Variants in DDX60 observed in about 807,000 individuals in gnomAD.
DDX60 encodes the protein probable ATP-dependent RNA helicase DDX60.
DDX60 carries 165 observed loss-of-function variants against 212.8 expected under a neutral mutation model. That is an observed-to-expected ratio of 0.78 (90% CI 0.68 to 0.88). The LOEUF is 0.88. Ranked by LOEUF, DDX60 falls within the 40% of genes least tolerant of loss-of-function variation. The probability of loss-of-function intolerance (pLI) is 0.00; values close to 1 mark genes in which losing one functional copy is unlikely to be tolerated. For synonymous variants in DDX60, 703 were observed against 685.3 expected, an observed-to-expected ratio of 1.03 and a Z score of -0.40; for missense variants, 1,905 against 2,003.9, an observed-to-expected ratio of 0.95 and a Z score of 0.94.
chr4:168,228,674 T>G (rs141894527), intron 33 of DDX60, among the ~76,000 whole-genome samples: 7 of 152,262 alleles, frequency 4.6e-5, no homozygotes, highest in African/African-American at 1.7e-4. Context: ...TTATTTCAAA[T>G]TTTATATGTT....
rs745467115 is a variant in DDX60 at position 168,291,827 on chromosome 4, T to C, written c.962A>G (p.His321Arg). The C allele has an allele frequency of 1.9e-6, 3 of 1,613,896 alleles. No individual in the cohort carries two copies. In the Admixed American group the frequency reaches 5.0e-5, roughly 27 times the overall value. Reference sequence around the variant, plus strand: ...ACAAGCTCTTTGAGAAAGAGGCAGATGGAGTAGAAAAACCACAGTGAGACA... The same window carrying C: ...ACAAGCTCTTTGAGAAAGAGGCAGACGGAGTAGAAAAACCACAGTGAGACA... ...LHCLTVVFLL[H>R]LPLSQRACAR... The change falls in exon 8 of 38, where the codon CAT becomes CGT. Residue 321 changes from histidine to arginine, a missense_variant. Physicochemically the swap from His to Arg is conservative, Grantham distance 29. Transcript: ENST00000393743.
At chr4:168,299,011 A>C (rs1276547493) in intron 6 of DDX60, among the ~76,000 whole-genome samples, 1 of 151,918 alleles carries the variant, frequency 6.6e-6, no homozygotes, top group Non-Finnish European at 1.5e-5. Flanking sequence ...AAATACAAAA[A>C]TTAGCTGGGC....
intron 5 of DDX60, among the ~76,000 whole-genome samples, chr4:168,306,097 A>G (rs1736862880): frequency 6.6e-6 from 1 of 152,352 alleles, no homozygotes; most frequent in African/African-American, 2.4e-5. Context: ...TATCTATTTC[A>G]TCACTGTAAA....
chr4:168,235,498 A>G (rs1733600749), intron 33 of DDX60, among the ~76,000 whole-genome samples: 2 of 152,122 alleles, frequency 1.3e-5, no homozygotes, highest in African/African-American at 4.8e-5. Context: ...GAAAAGTGTA[A>G]AGATGATAGG....
chr4:168,216,740 T>C lies in DDX60; in HGVS notation c.*193A>G. The C allele has an allele frequency of 2.3e-6, 1 of 442,554 alleles. No homozygotes were observed. The highest frequency in any genetic ancestry group is 3.9e-6 in the Non-Finnish European group (1 of 253,354). 27.4% of individuals were successfully genotyped at this position (442,554 alleles called of 1,614,324 possible). Reference sequence around the variant, plus strand: ...AGATTCAGGTATACTAAATAATTTGTGAGTATTCATGACAGAACATGGCAG... The same window carrying C: ...AGATTCAGGTATACTAAATAATTTGCGAGTATTCATGACAGAACATGGCAG... On this transcript the variant is annotated 3_prime_UTR_variant, in exon 38 of 38. Coordinates refer to ENST00000393743, the MANE Select transcript of DDX60 (RefSeq NM_017631.6).
At chr4:168,310,906 G>A in intron 3 of DDX60, 92 bp downstream of exon 3, 2 of 714,236 alleles carry the variant, frequency 2.8e-6, no homozygotes, top group South Asian at 1.9e-5. Flanking sequence ...ATTGTTCAAT[G>A]GTCAACTGTC....
intron 13 of DDX60, among the ~76,000 whole-genome samples, chr4:168,281,413 A>T (rs1364480232): frequency 6.6e-6 from 1 of 152,116 alleles, no homozygotes; most frequent in Non-Finnish European, 1.5e-5. Context: ...TTGTAATTTC[A>T]TTTGCCATTC....
intron 1 of DDX60, among the ~76,000 whole-genome samples, chr4:168,317,500 A>G (rs1038487201): frequency 2.6e-5 from 4 of 152,086 alleles, no homozygotes; most frequent in African/African-American, 9.7e-5. Flanking sequence ...AAGGGAAAGG[A>G]AATCATGGAT....
At chr4:168,237,944 T>C (rs1733688926) in intron 30 of DDX60, 149 bp from the exon 31 acceptor site, 4 of 551,414 alleles carry the variant, frequency 7.3e-6, no homozygotes, top group Non-Finnish European at 9.0e-6. Context: ...TATTTTATAG[T>C]GTTACATGGC....
At chr4:168,248,735 A>C (rs535032659) in intron 28 of DDX60, among the ~76,000 whole-genome samples, 3 of 151,918 alleles carry the variant, frequency 2.0e-5, no homozygotes, top group Admixed American at 1.3e-4. Flanking sequence ...CCGTAAGAGT[A>C]CCTGACAACT....
At chr4:168,320,998 A>G (rs1281034550), upstream of DDX60, among the ~76,000 whole-genome samples, 1 of 152,194 alleles carries the variant, frequency 6.6e-6, no homozygotes, top group Non-Finnish European at 1.5e-5. Context: ...CTTAAATTAT[A>G]AAGTTTTTTA....
intron 29 of DDX60, 54 bp from the exon 30 acceptor site, chr4:168,246,672 A>G: frequency 2.5e-6 from 4 of 1,576,322 alleles, no homozygotes; most frequent in Non-Finnish European, 3.5e-6. Flanking sequence ...TTCTACTGCC[A>G]TAGTGTAAGA....
chr4:168,308,369 T>C (rs1736982498), intron 3 of DDX60, among the ~76,000 whole-genome samples, 174 bp from the exon 4 acceptor site: 1 of 152,140 alleles, frequency 6.6e-6, no homozygotes, highest in African/African-American at 2.4e-5. Flanking sequence ...CAACTATCCT[T>C]CACAGGAGGA....
chr4:168,246,428 G>A lies in DDX60; in HGVS notation c.4154C>T (p.Ala1385Val), dbSNP rs1052793098. The change falls in exon 30 of 38, where the codon GCC (alanine) becomes GTC (valine). Residue 1385 changes from alanine to valine, a missense_variant. Transcript: ENST00000393743. Reference sequence around the variant, plus strand: ...TGTCCAGCACGGTACCTTTGCCTTGGCATCCTCTGGGTCATCTCCCTTGGA... The same window carrying A: ...TGTCCAGCACGGTACCTTTGCCTTGACATCCTCTGGGTCATCTCCCTTGGA... ...LASKGDDPED[A>V]KAKVLSVLKH... 3 of 1,613,798 alleles carry A rather than the reference G, an allele frequency of 1.9e-6. No homozygotes were observed. In the African/African-American group the frequency reaches 4.0e-5, roughly 22 times the overall value.
chr4:168,273,068 C>G (rs2149519838), intron 18 of DDX60, among the ~76,000 whole-genome samples: 1 of 152,220 alleles, frequency 6.6e-6, no homozygotes, highest in African/African-American at 2.4e-5. Context: ...AATCAGAAAT[C>G]CAAAGGTCAG....
chr4:168,237,827 A>C, intron 30 of DDX60, 32 bp from the exon 31 acceptor site: 1 of 1,480,010 alleles, frequency 6.8e-7, no homozygotes, highest in South Asian at 1.2e-5. Context: ...TAGACACACA[A>C]TGTTAAGTGT....
intron 25 of DDX60, among the ~76,000 whole-genome samples, chr4:168,259,636 C>T (rs1363911875): frequency 2.0e-5 from 3 of 150,740 alleles, no homozygotes; most frequent in Non-Finnish European, 4.4e-5. Flanking sequence ...TGAAATTGCC[C>T]AAAGTAAATA....
chr4:168,289,856 C>T (rs1736011664), intron 8 of DDX60, among the ~76,000 whole-genome samples: 1 of 152,178 alleles, frequency 6.6e-6, no homozygotes, highest in Non-Finnish European at 1.5e-5. Context: ...CTATTCATCC[C>T]TACTTACCTC....
chr4:168,260,896 T>C lies in DDX60; in HGVS notation c.3367A>G (p.Lys1123Glu). Residue 1123 changes from lysine to glutamate, a missense_variant, in exon 25 of 38, where the codon AAA (lysine) becomes GAA (glutamate). Physicochemically the swap from Lys to Glu is moderately conservative, Grantham distance 56. Coordinates refer to ENST00000393743, the MANE Select transcript of DDX60 (RefSeq NM_017631.6). ...AATAGTGCAGGTAACTTCTCCATTT[T>C]CCTTAGTTTTTCAACTAGAAGTGGA... The part of the protein sequence containing the change: ...MFPLLVEKLR[K>E]MEKLPALFFL... 1.2e-5 allele frequency: 20 copies of C among 1,608,316 alleles called. No individual in the cohort carries two copies. The highest frequency in any genetic ancestry group is 1.6e-5 in the Non-Finnish European group (19 of 1,176,432).
Sources: gnomAD v4.1 joint callset for allele counts (sites outside exome capture counted in the v4.1 genomes callset) on GRCh38, gnomAD v4.1.1 for gene constraint, MANE v1.5 for transcripts, NCBI Gene and HGNC (gene_info 2026-07-23, HGNC 2026-07-21) for gene names.